PEBP4: variants seen among roughly 807,000 people sequenced by gnomAD.
PEBP4 encodes phosphatidylethanolamine-binding protein 4.
In PEBP4, 22 loss-of-function variants were observed where a neutral mutation model predicts 23.9. That is an observed-to-expected ratio of 0.92 (90% CI 0.66 to 1.31). The LOEUF (loss-of-function observed/expected upper bound fraction) is 1.31. PEBP4 is among the 40% of genes most tolerant of loss of function. The pLI is 0.00. For missense variants in PEBP4, 324 were observed against 281.7 expected, an observed-to-expected ratio of 1.15 and a Z score of -1.07; for synonymous variants, 112 against 99.3, an observed-to-expected ratio of 1.13 and a Z score of -0.76.
chr8:22,873,149 G>A (rs1220895594), intron 3 of PEBP4, among the ~76,000 whole-genome samples: 4 of 152,288 alleles, frequency 2.6e-5, no homozygotes, highest in Middle Eastern at 3.4e-3. Flanking sequence ...AGAATCTCCC[G>A]AAGCTGGTAC....
intron 3 of PEBP4, among the ~76,000 whole-genome samples, chr8:22,899,471 T>G (rs1371689364): frequency 6.6e-6 from 1 of 152,246 alleles, no homozygotes; most frequent in East Asian, 1.9e-4. Flanking sequence ...AACCTGCTTT[T>G]GCAGGGGGCA....
chr8:22,769,658 CT>C (rs1805679738), intron 4 of PEBP4, among the ~76,000 whole-genome samples: 1 of 152,200 alleles, frequency 6.6e-6, no homozygotes, highest in African/African-American at 2.4e-5. Flanking sequence ...ATCACCCAGC[CT>C]CTTTCTCCTT....
At chr8:22,895,261 C>T (rs1374200765) in intron 3 of PEBP4, among the ~76,000 whole-genome samples, 1 of 152,074 alleles carries the variant, frequency 6.6e-6, no homozygotes, top group East Asian at 1.9e-4. Context: ...GCATCCTATA[C>T]TAAATAAAGC....
intron 4 of PEBP4, among the ~76,000 whole-genome samples, chr8:22,746,643 C>T (rs1805125846): frequency 6.6e-6 from 1 of 151,834 alleles, no homozygotes; most frequent in Non-Finnish European, 1.5e-5. Flanking sequence ...CTCTCCTCCT[C>T]TCCTCCCTCC....
At chr8:22,774,211 C>T (rs910974265) in intron 4 of PEBP4, among the ~76,000 whole-genome samples, 2 of 152,226 alleles carry the variant, frequency 1.3e-5, no homozygotes, top group African/African-American at 4.8e-5. Flanking sequence ...TCTTCCCTTT[C>T]AATCACTTTC....
chr8:22,824,822 A>G (rs1343647263), intron 3 of PEBP4, among the ~76,000 whole-genome samples: 1 of 152,214 alleles, frequency 6.6e-6, no homozygotes, highest in East Asian at 1.9e-4. Context: ...CCAGGTGGTA[A>G]CAGGAATGAT....
chr8:22,919,109 T>C (rs1441022927), intron 3 of PEBP4, among the ~76,000 whole-genome samples: 2 of 151,936 alleles, frequency 1.3e-5, no homozygotes, highest in African/African-American at 4.8e-5. Flanking sequence ...AAGAGAAGAG[T>C]CTATTCCCCG....
rs537944372 is a variant in PEBP4 at position 22,736,006 on chromosome 8, G to A, written c.358-8786C>T. Among the ~76,000 whole-genome samples the A allele has an allele frequency of 8.5e-5, 13 of 152,278 alleles. No homozygotes were observed. In the East Asian group the frequency reaches 2.5e-3, roughly 29 times the overall value. ...ACATCCTTCTTTTCTTTGCATTTTG[G>A]TTCCAAAGTTTCTTGTCACACAGAT... On this transcript the variant is annotated intron_variant, in intron 4 of 6. Coordinates refer to ENST00000256404, the MANE Select transcript of PEBP4 (RefSeq NM_144962.3).
chr8:22,840,899 C>G (rs1807313459), intron 3 of PEBP4, among the ~76,000 whole-genome samples: 1 of 152,190 alleles, frequency 6.6e-6, no homozygotes, highest in African/African-American at 2.4e-5. Context: ...AAATATATAA[C>G]TAATGGTACC....
intron 3 of PEBP4, among the ~76,000 whole-genome samples, chr8:22,901,302 G>A (rs1808705002): frequency 6.6e-6 from 1 of 152,168 alleles, no homozygotes; most frequent in Non-Finnish European, 1.5e-5. Flanking sequence ...ATGATCTGGT[G>A]CAAAATCACC....
At chr8:22,839,505 C>T (rs1807277561) in intron 3 of PEBP4, among the ~76,000 whole-genome samples, 1 of 152,200 alleles carries the variant, frequency 6.6e-6, no homozygotes, top group East Asian at 1.9e-4. Context: ...TTCATCTCAA[C>T]ACCTTGCTTT....
intron 4 of PEBP4, among the ~76,000 whole-genome samples, chr8:22,733,316 T>A (rs577069521): frequency 2.0e-5 from 3 of 152,276 alleles, no homozygotes; most frequent in African/African-American, 7.2e-5. Flanking sequence ...ACTTGAGCCA[T>A]CCCTACTTAA....
At position 22,755,484 on chromosome 8, in the gene PEBP4, C is replaced by T. The variant is rs1327998661; in HGVS notation, c.358-28264G>A. On this transcript the variant is annotated intron_variant, in intron 4 of 6. Coordinates refer to ENST00000256404, the MANE Select transcript of PEBP4 (RefSeq NM_144962.3). ...CTGAGTAGCTGGGATTACAGGTGCC[C>T]GCCACCACACTCAGCTAATTTTTGT... is the stretch of plus-strand genomic sequence containing the variant. Among the ~76,000 whole-genome samples the T allele has an allele frequency of 5.9e-5, 9 of 151,996 alleles. No individual in the cohort carries two copies. The South Asian group carries it at 1.2e-3, about 21-fold the overall frequency.
Position 22,817,511 on chromosome 8 carries a change from C to T in PEBP4, c.357+126G>A. 10 of 853,498 alleles carry T rather than the reference C, an allele frequency of 1.2e-5. No homozygotes were observed. The South Asian group carries it at 1.6e-4, about 13-fold the overall frequency. 52.9% of individuals were successfully genotyped at this position (853,498 alleles called of 1,614,324 possible). On this transcript the variant is annotated intron_variant, in intron 4 of 6. Coordinates refer to ENST00000256404, the MANE Select transcript of PEBP4 (RefSeq NM_144962.3). ...TTGGGAGGGCTTTGATAGCTGAGCA[C>T]TGGGGGAGATGGGACACAGAAGTCC...
intron 4 of PEBP4, among the ~76,000 whole-genome samples, chr8:22,794,343 A>T (rs1408724804): frequency 6.6e-6 from 1 of 151,868 alleles, no homozygotes; most frequent in African/African-American, 2.4e-5. Context: ...CCAAGTTGGA[A>T]TGCAGTAGCT....
chr8:22,836,191 A>G (rs1471931884), intron 3 of PEBP4, among the ~76,000 whole-genome samples: 2 of 152,238 alleles, frequency 1.3e-5, no homozygotes, highest in South Asian at 2.1e-4. Context: ...TTTCTCTTAG[A>G]CTGCATGCAT....
intron 2 of PEBP4, among the ~76,000 whole-genome samples, chr8:22,922,844 T>G (rs1179290232): frequency 6.6e-6 from 1 of 152,092 alleles, no homozygotes; most frequent in African/African-American, 2.4e-5. Flanking sequence ...AGTTTGGGGA[T>G]CTCCTGATCT....
At chr8:22,795,397 G>C (rs1293911706) in intron 4 of PEBP4, among the ~76,000 whole-genome samples, 2 of 151,506 alleles carry the variant, frequency 1.3e-5, no homozygotes, top group East Asian at 1.9e-4. Context: ...GGATGGTCTC[G>C]ATCTCCTGAC....
At chr8:22,736,521 G>A (rs1169972622) in intron 4 of PEBP4, among the ~76,000 whole-genome samples, 2 of 152,138 alleles carry the variant, frequency 1.3e-5, no homozygotes, top group East Asian at 1.9e-4. Flanking sequence ...TGGGAGGATT[G>A]CTTCAGCTGG....
Sources: gnomAD v4.1 joint callset for allele counts (sites outside exome capture counted in the v4.1 genomes callset) on GRCh38, gnomAD v4.1.1 for gene constraint, MANE v1.5 for transcripts, NCBI Gene and HGNC (gene_info 2026-07-23, HGNC 2026-07-21) for gene names.